DPH6: variants seen among roughly 807,000 people sequenced by gnomAD.
DPH6 encodes diphthine--ammonia ligase.
A neutral mutation model predicts 38.2 loss-of-function variants in DPH6; 33 were observed. The ratio of observed to expected loss-of-function variants is 0.86; its 90% confidence interval spans 0.65 to 1.15. The LOEUF (loss-of-function observed/expected upper bound fraction) is 1.15, where lower values mean the gene tolerates loss of function less well. Ranked by LOEUF, DPH6 falls within the 50% of genes most tolerant of loss-of-function variation. The probability of loss-of-function intolerance (pLI) is 0.00; values close to 1 mark genes in which losing one functional copy is unlikely to be tolerated. For missense variants in DPH6, 325 were observed against 320.0 expected (o/e 1.02, Z -0.12); for synonymous variants, 108 against 103.0 (o/e 1.05, Z -0.30).
At chr15:35,446,085 T>C (rs899059696) in intron 5 of DPH6, among the ~76,000 whole-genome samples, 1 of 152,292 alleles carries the variant, frequency 6.6e-6, no homozygotes. Flanking sequence ...TAAGAAAAAG[T>C]TGATGTTCTG....
intron 3 of DPH6, among the ~76,000 whole-genome samples, chr15:35,503,222 T>A (rs1477189945): frequency 6.6e-6 from 1 of 151,988 alleles, no homozygotes; most frequent in African/African-American, 2.4e-5. Flanking sequence ...ACCTTTGTTA[T>A]AAGTAAATAA....
intron 3 of DPH6, among the ~76,000 whole-genome samples, chr15:35,309,107 T>C (rs943261116): frequency 6.6e-6 from 1 of 152,252 alleles, no homozygotes; most frequent in East Asian, 1.9e-4. Flanking sequence ...TGAAGTCTGA[T>C]TGCAGTGCAG....
chr15:35,515,132 TAAA>T (rs202176366), intron 3 of DPH6, among the ~76,000 whole-genome samples: 1 of 140,100 alleles, frequency 7.1e-6, no homozygotes. Flanking sequence ...ACACTAAGGT[TAAA>T]AAAAAAAAAA....
intron 3 of DPH6, among the ~76,000 whole-genome samples, chr15:35,509,350 G>C (rs2054737056): frequency 6.6e-6 from 1 of 152,152 alleles, no homozygotes; most frequent in Non-Finnish European, 1.5e-5. Flanking sequence ...AAAGCAAAAT[G>C]CTCGGCAATA....
intron 3 of DPH6, among the ~76,000 whole-genome samples, chr15:35,515,444 G>A (rs893375114): frequency 6.6e-6 from 1 of 151,886 alleles, no homozygotes; most frequent in African/African-American, 2.4e-5. Flanking sequence ...AATTAAGGCC[G>A]GGTGCGGTGG....
intron 3 of DPH6, among the ~76,000 whole-genome samples, chr15:35,325,017 A>T (rs2052270275): frequency 1.3e-5 from 2 of 152,186 alleles, no homozygotes; most frequent in Admixed American, 1.3e-4. Context: ...AGTGCAAAAA[A>T]TCACAATAAG....
intron 6 of DPH6, among the ~76,000 whole-genome samples, chr15:35,398,174 C>T (rs2053170684): frequency 6.6e-6 from 1 of 152,146 alleles, no homozygotes; most frequent in Non-Finnish European, 1.5e-5. Context: ...TTTGTTCTAA[C>T]ATTTGGTCTT....
chr15:35,251,228 A>G (rs2051671260), intron 3 of DPH6, among the ~76,000 whole-genome samples: 1 of 152,026 alleles, frequency 6.6e-6, no homozygotes, highest in South Asian at 2.1e-4. Flanking sequence ...TTTTAGATTC[A>G]GGGGATACAA....
At position 35,400,742 on chromosome 15, in the gene DPH6, T is replaced by C. The variant is rs139108481; in HGVS notation, c.567+10093A>G. On this transcript the variant is annotated intron_variant, in intron 6 of 8. Transcript: ENST00000256538. ...GCCTGAACAGCTGAGGAAGCTCTTA[T>C]TGGAGGGTTGAGCTTGGAAACAACC... 4.1e-5 allele frequency: 30 copies of C among 737,396 alleles called. No individual in the cohort carries two copies. The African/African-American group carries it at 4.3e-4, about 11-fold the overall frequency. The allele number at this position is 737,396 out of a possible 1,614,324, so 45.7% of individuals were successfully genotyped here.
At chr15:35,420,037 C>T (rs1284352790) in intron 5 of DPH6, among the ~76,000 whole-genome samples, 1 of 151,990 alleles carries the variant, frequency 6.6e-6, no homozygotes, top group Non-Finnish European at 1.5e-5. Flanking sequence ...ATATGTTTGG[C>T]CACAAAAAAG....
At chr15:35,409,069 G>A (rs1415635507) in intron 6 of DPH6, among the ~76,000 whole-genome samples, 1 of 151,976 alleles carries the variant, frequency 6.6e-6, no homozygotes, top group East Asian at 2.0e-4. Flanking sequence ...TGAGAAGACA[G>A]GTGTGAATGG....
At chr15:35,237,823 C>T in intron 3 of DPH6, 3 of 1,565,924 alleles carry the variant, frequency 1.9e-6, no homozygotes, top group Non-Finnish European at 2.6e-6. Context: ...ACGTGGAGGG[C>T]CTGGAGGAGG....
intron 3 of DPH6, chr15:35,299,519 C>G (rs1055761295): frequency 4.5e-5 from 29 of 642,328 alleles, no homozygotes; most frequent in Non-Finnish European, 2.0e-5. Flanking sequence ...GCCGGGGAGG[C>G]AGGAGCCAAC....
At chr15:35,328,010 T>A (rs2052298722), downstream of DPH6, among the ~76,000 whole-genome samples, 2 of 152,200 alleles carry the variant, frequency 1.3e-5, no homozygotes, top group Admixed American at 1.3e-4. Context: ...TTATTTAAAC[T>A]CCTCTACAAC....
chr15:35,310,279 G>A (rs1220744786), intron 3 of DPH6, among the ~76,000 whole-genome samples: 3 of 152,080 alleles, frequency 2.0e-5, no homozygotes, highest in Admixed American at 6.6e-5. Context: ...ACCAGGCTCC[G>A]GAAATTTAAG....
intron 5 of DPH6, among the ~76,000 whole-genome samples, chr15:35,413,886 G>A (rs2053402756): frequency 1.3e-5 from 2 of 151,388 alleles, no homozygotes. Context: ...TTACTCTGCT[G>A]ATCAGAATGC....
chr15:35,516,051 C>T (rs1204671868), intron 3 of DPH6, among the ~76,000 whole-genome samples: 1 of 152,096 alleles, frequency 6.6e-6, no homozygotes, highest in South Asian at 2.1e-4. Flanking sequence ...TCGTATCAAG[C>T]GAAAGCAAAG....
intron 3 of DPH6, chr15:35,520,625 C>T (rs2054910478): frequency 1.0e-6 from 1 of 984,264 alleles, no homozygotes; most frequent in African/African-American, 1.8e-5. Context: ...AAAAATAATG[C>T]AAAAGTAAAA....
intron 3 of DPH6, among the ~76,000 whole-genome samples, chr15:35,314,891 GT>G (rs1231070274): frequency 6.6e-6 from 1 of 152,148 alleles, no homozygotes; most frequent in Non-Finnish European, 1.5e-5. Flanking sequence ...GATCAGCTCA[GT>G]GTCTGAACCG....
Sources: gnomAD v4.1 joint callset for allele counts (sites outside exome capture counted in the v4.1 genomes callset) on GRCh38, gnomAD v4.1.1 for gene constraint, MANE v1.5 for transcripts, NCBI Gene and HGNC (gene_info 2026-07-23, HGNC 2026-07-21) for gene names.